DISC1: variants seen among roughly 807,000 people sequenced by gnomAD.
The protein encoded by DISC1 is disrupted in schizophrenia 1 protein.
A neutral mutation model predicts 84.5 loss-of-function variants in DISC1; 57 were observed. The ratio of observed to expected loss-of-function variants is 0.67; its 90% confidence interval spans 0.55 to 0.84. DISC1 has a LOEUF of 0.84. DISC1 is among the 40% of genes least tolerant of loss of function. The pLI is 0.00. For missense variants in DISC1, 1,000 were observed against 1,057.8 expected, an observed-to-expected ratio of 0.95 and a Z score of 0.76; for synonymous variants, 411 against 415.2, an observed-to-expected ratio of 0.99 and a Z score of 0.12.
intron 1 of DISC1, among the ~76,000 whole-genome samples, chr1:231,650,895 C>T (rs542716383): frequency 6.6e-6 from 1 of 152,248 alleles, no homozygotes; most frequent in African/African-American, 2.4e-5. Flanking sequence ...GTTCTTGTGC[C>T]ATGGTTTTCA....
chr1:231,756,492 G>A (rs1285844298), intron 4 of DISC1, among the ~76,000 whole-genome samples: 1 of 145,788 alleles, frequency 6.9e-6, no homozygotes, highest in Non-Finnish European at 1.5e-5. Flanking sequence ...CTATATATAG[G>A]TTCACAAACG....
chr1:231,714,605 GAA>G (rs1415885094), intron 3 of DISC1, among the ~76,000 whole-genome samples: 1 of 151,474 alleles, frequency 6.6e-6, no homozygotes, highest in African/African-American at 2.4e-5. Context: ...CAGAAAGAGA[GAA>G]GAGAGAGAAA....
chr1:231,627,472 A>G (rs528989008), intron 1 of DISC1, among the ~76,000 whole-genome samples: 49 of 152,304 alleles, frequency 3.2e-4, no homozygotes, highest in African/African-American at 1.1e-3. Context: ...TGCCTTCCCT[A>G]GGGGCTGCTC....
intron 9 of DISC1, among the ~76,000 whole-genome samples, chr1:231,858,898 G>T (rs141518198): frequency 1.3e-5 from 2 of 152,214 alleles, no homozygotes; most frequent in East Asian, 1.9e-4. Flanking sequence ...GGTCACCCTT[G>T]TGAAAGCTAT....
chr1:231,807,633 T>C (rs1489339436), intron 8 of DISC1, among the ~76,000 whole-genome samples: 1 of 152,336 alleles, frequency 6.6e-6, no homozygotes, highest in East Asian at 1.9e-4. Flanking sequence ...CGGTCCTCCT[T>C]CTCATAGGAT....
rs556893909 is a variant in DISC1 at position 231,889,290 on chromosome 1, C to T, written c.1982-69538C>T. Among the ~76,000 whole-genome samples, 8 of 152,132 alleles carry T rather than the reference C, an allele frequency of 5.3e-5. No individual in the cohort carries two copies. The South Asian group carries it at 8.3e-4, about 16-fold the overall frequency. On this transcript the variant is annotated intron_variant, in intron 9 of 12. Coordinates refer to ENST00000439617, the MANE Select transcript of DISC1 (RefSeq NM_018662.3). The stretch of plus-strand genomic sequence containing the variant: ...GGACAAGCCACCTTTGTCCATAAGG[C>T]GGGGTACACGCCACCAAGACTAAGA...
chr1:232,001,232 C>T (rs1666645659), intron 10 of DISC1, among the ~76,000 whole-genome samples: 1 of 152,142 alleles, frequency 6.6e-6, no homozygotes, highest in South Asian at 2.1e-4. Context: ...GCATGTGCCA[C>T]TGTGTCCAGC....
intron 3 of DISC1, among the ~76,000 whole-genome samples, chr1:231,717,987 C>T (rs1013971905): frequency 6.6e-6 from 1 of 152,160 alleles, no homozygotes; most frequent in Non-Finnish European, 1.5e-5. Context: ...CTCCTCTTGC[C>T]ATATCCCCTA....
chr1:231,778,400 A>T (rs2077123838), intron 6 of DISC1, among the ~76,000 whole-genome samples: 1 of 151,830 alleles, frequency 6.6e-6, no homozygotes, highest in African/African-American at 2.4e-5. Context: ...CTGCCTAAAA[A>T]CCCCTCATAA....
At chr1:231,831,603 A>T (rs988313663) in intron 9 of DISC1, among the ~76,000 whole-genome samples, 1 of 152,204 alleles carries the variant, frequency 6.6e-6, no homozygotes, top group South Asian at 2.1e-4. Flanking sequence ...ACGCCTTTTG[A>T]TGGCCTTTGC....
intron 9 of DISC1, chr1:231,854,878 G>A (rs1292305670): frequency 6.8e-6 from 3 of 440,928 alleles, no homozygotes; most frequent in Non-Finnish European, 4.3e-6. Context: ...CACCATGCCT[G>A]GCTAATTTTG....
At chr1:231,892,927 C>T (rs757849556) in intron 9 of DISC1, among the ~76,000 whole-genome samples, 1 of 152,040 alleles carries the variant, frequency 6.6e-6, no homozygotes, top group East Asian at 1.9e-4. Context: ...TTTGGGAGGC[C>T]GACTCAGGTG....
At chr1:231,863,380 G>A (rs989107992) in intron 9 of DISC1, among the ~76,000 whole-genome samples, 1 of 151,504 alleles carries the variant, frequency 6.6e-6, no homozygotes, top group Non-Finnish European at 1.5e-5. Context: ...GCAGGTACCC[G>A]CCACCATGCC....
Position 231,733,700 on chromosome 1 carries a change from T to C in DISC1, c.1118-16226T>C, listed in dbSNP as rs553518841. ...GTGGGAGAAGTCGTAGTGGTGGTGA[T>C]GGTAGGAATGGTAGTGGTGGTGGTG... On this transcript the variant is annotated intron_variant, in intron 3 of 12. Coordinates refer to ENST00000439617, the MANE Select transcript of DISC1 (RefSeq NM_018662.3). Among the ~76,000 whole-genome samples the C allele has an allele frequency of 6.7e-5, 10 of 149,858 alleles. No individual in the cohort carries two copies. The East Asian group carries it at 2.0e-3, about 30-fold the overall frequency.
intron 9 of DISC1, among the ~76,000 whole-genome samples, chr1:231,894,948 C>T (rs1267251900): frequency 1.3e-5 from 2 of 152,048 alleles, no homozygotes; most frequent in East Asian, 1.9e-4. Context: ...CACACACACA[C>T]GGACTGAGCA....
chr1:231,731,971 G>A (rs1196471576), intron 3 of DISC1, among the ~76,000 whole-genome samples: 1 of 152,156 alleles, frequency 6.6e-6, no homozygotes, highest in African/African-American at 2.4e-5. Flanking sequence ...GTTCTGACTT[G>A]TTCAACATCT....
intron 6 of DISC1, among the ~76,000 whole-genome samples, chr1:231,794,537 T>C (rs2078607314): frequency 6.6e-6 from 1 of 152,208 alleles, no homozygotes; most frequent in Non-Finnish European, 1.5e-5. Flanking sequence ...TTAATTGCAT[T>C]GATTCATTCA....
At chr1:231,912,545 T>A (rs2089292309) in intron 9 of DISC1, among the ~76,000 whole-genome samples, 1 of 152,168 alleles carries the variant, frequency 6.6e-6, no homozygotes, top group Admixed American at 6.5e-5. Context: ...TCTGGAAGCT[T>A]CGTCTCAGAG....
intron 3 of DISC1, chr1:231,722,586 A>G (rs2069956560): frequency 6.2e-7 from 1 of 1,614,226 alleles, no homozygotes; most frequent in Non-Finnish European, 8.5e-7. Context: ...GACATCCTGA[A>G]CCAAACTCCT....
Sources: allele counts gnomAD v4.1 joint callset (sites outside exome capture counted in the v4.1 genomes callset), GRCh38; gene constraint gnomAD v4.1.1; transcripts MANE v1.5; gene names NCBI Gene and HGNC (gene_info 2026-07-23, HGNC 2026-07-21).